The following OCA2 variants were observed in gnomAD, a reference collection of about 807,000 sequenced individuals.
OCA2 encodes the protein OCA2 melanosomal transmembrane protein, also known as P protein.
In OCA2, 77 loss-of-function variants were observed where a neutral mutation model predicts 100.2. The observed-to-expected ratio is 0.77, with a 90% CI of 0.64 to 0.93. OCA2 has a LOEUF of 0.93. OCA2 is among the 40% of genes least tolerant of loss of function. OCA2 has a pLI of 0.00. For synonymous variants in OCA2, 432 were observed against 439.2 expected, an observed-to-expected ratio of 0.98 and a Z score of 0.21; for missense variants, 1,062 against 1,089.1, an observed-to-expected ratio of 0.98 and a Z score of 0.35.
At chr15:27,892,735 T>TACTAATGAA (rs2037516757) in intron 19 of OCA2, among the ~76,000 whole-genome samples, 1 of 152,118 alleles carries the variant, frequency 6.6e-6, no homozygotes, top group Admixed American at 6.6e-5. Flanking sequence ...ATTGAGTTAA[T>TACTAATGAA]ATAGGACAAT....
intron 14 of OCA2, among the ~76,000 whole-genome samples, chr15:27,970,526 G>A (rs940039496): frequency 9.2e-5 from 14 of 151,778 alleles, no homozygotes; most frequent in Admixed American, 2.0e-4. Context: ...ACACAGCACG[G>A]TGGGAAAATG....
chr15:27,974,189 T>A (rs1281756272), intron 14 of OCA2, among the ~76,000 whole-genome samples: 1 of 152,228 alleles, frequency 6.6e-6, no homozygotes, highest in African/African-American at 2.4e-5. Flanking sequence ...CTTGTCTGAT[T>A]ACTCTGACTA....
At chr15:28,031,545 CA>C (rs1203965492) in intron 3 of OCA2, among the ~76,000 whole-genome samples, 3 of 152,202 alleles carry the variant, frequency 2.0e-5, no homozygotes, top group Non-Finnish European at 4.4e-5. Flanking sequence ...GATTTGTGCC[CA>C]AAAAGGACCT....
chr15:27,947,915 A>G (rs770902095), intron 18 of OCA2, among the ~76,000 whole-genome samples: 6 of 152,124 alleles, frequency 3.9e-5, no homozygotes, highest in Non-Finnish European at 7.4e-5. Context: ...CACACATGTG[A>G]GCCTTTGCCT....
In OCA2 at chr15:27,991,935, C is replaced by A. The variant is rs144015005; in HGVS notation, c.1045-1288G>T. Among the ~76,000 whole-genome samples the A allele has an allele frequency of 1.9e-3, 292 of 152,210 alleles. 3 individuals carry two copies. The highest frequency in any genetic ancestry group is 6.8e-3 in the African/African-American group (281 of 41,542). Reference sequence around the variant, plus strand: ...CATTTATAATGTGTAGTACTAGATTCAAAGTTCATTTTCAGGAAATGTGAT... The same window carrying A: ...CATTTATAATGTGTAGTACTAGATTAAAAGTTCATTTTCAGGAAATGTGAT... On this transcript the variant is annotated intron_variant, in intron 9 of 23. Coordinates refer to ENST00000354638, the MANE Select transcript of OCA2 (RefSeq NM_000275.3).
At chr15:28,094,332 T>C (rs933076756) in intron 1 of OCA2, among the ~76,000 whole-genome samples, 2 of 152,202 alleles carry the variant, frequency 1.3e-5, no homozygotes, top group South Asian at 4.1e-4. Context: ...GCGCTTGACT[T>C]GCCTAGGGCA....
intron 19 of OCA2, among the ~76,000 whole-genome samples, chr15:27,920,540 G>A (rs1016998486): frequency 6.6e-6 from 1 of 152,050 alleles, no homozygotes; most frequent in Non-Finnish European, 1.5e-5. Context: ...CCCTGCTCTG[G>A]GGTAAAAACT....
chr15:28,016,211 T>C (rs767260806), intron 7 of OCA2, 25 bp from the exon 8 acceptor site: 4 of 1,593,080 alleles, frequency 2.5e-6, no homozygotes, highest in East Asian at 4.5e-5. Context: ...GCATAAGTTA[T>C]GGTGAGGCTT....
intron 23 of OCA2, among the ~76,000 whole-genome samples, chr15:27,789,746 C>A (rs1335164676): frequency 2.0e-5 from 3 of 152,124 alleles, no homozygotes; most frequent in African/African-American, 4.8e-5. Flanking sequence ...AAATTATAGT[C>A]TTTTCAACAA....
chr15:28,076,496 A>G (rs1276211557), intron 2 of OCA2, among the ~76,000 whole-genome samples: 1 of 152,238 alleles, frequency 6.6e-6, no homozygotes, highest in Non-Finnish European at 1.5e-5. Flanking sequence ...AGAAAAAATT[A>G]ATTACATTTT....
intron 19 of OCA2, among the ~76,000 whole-genome samples, chr15:27,897,748 G>A (rs2037765768): frequency 6.6e-6 from 1 of 152,194 alleles, no homozygotes; most frequent in South Asian, 2.1e-4. Flanking sequence ...CCAGATCCCA[G>A]AATGGTAGAT....
chr15:27,746,642 G>A, the OCA2 span, among the ~76,000 whole-genome samples: 7 of 152,100 alleles, frequency 4.6e-5, no homozygotes, highest in African/African-American at 1.4e-4. Context: ...AAAATTCCAG[G>A]ATAACCCCCC....
intron 2 of OCA2, among the ~76,000 whole-genome samples, chr15:28,034,985 A>G (rs1031329735): frequency 2.0e-5 from 3 of 152,124 alleles, no homozygotes; most frequent in African/African-American, 7.2e-5. Flanking sequence ...AGTGCCCAGG[A>G]GAGTGGAGGC....
At chr15:27,906,273 A>G (rs1182836901) in intron 19 of OCA2, among the ~76,000 whole-genome samples, 2 of 152,218 alleles carry the variant, frequency 1.3e-5, no homozygotes, top group Non-Finnish European at 2.9e-5. Context: ...TATTGTATCA[A>G]AATATCACAT....
chr15:27,722,008 G>A, the OCA2 span, among the ~76,000 whole-genome samples: 3 of 152,150 alleles, frequency 2.0e-5, no homozygotes, highest in Non-Finnish European at 4.4e-5. Context: ...CAAGATCTGT[G>A]CTATAATAAT....
intron 19 of OCA2, among the ~76,000 whole-genome samples, chr15:27,909,104 A>G (rs1041450456): frequency 6.6e-6 from 1 of 152,242 alleles, no homozygotes; most frequent in African/African-American, 2.4e-5. Context: ...CTCTATATAC[A>G]CAAAAAAATA....
chr15:28,039,541 C>T (rs2043141139), intron 2 of OCA2, among the ~76,000 whole-genome samples: 1 of 152,208 alleles, frequency 6.6e-6, no homozygotes, highest in Non-Finnish European at 1.5e-5. Context: ...ATACTCTTAA[C>T]CAATCCATCA....
chr15:27,783,806 C>T (rs1220647784), intron 23 of OCA2, among the ~76,000 whole-genome samples: 1 of 152,220 alleles, frequency 6.6e-6, no homozygotes, highest in East Asian at 1.9e-4. Context: ...GTGGCTCAGG[C>T]CTGGCAAGGG....
chr15:27,871,761 T>C (rs1162603932), intron 20 of OCA2, 102 bp downstream of exon 20: 24 of 856,268 alleles, frequency 2.8e-5, no homozygotes, highest in Non-Finnish European at 4.7e-5. Context: ...TTTTACATAA[T>C]TAATGGGACC....
Sources: gnomAD v4.1 joint callset for allele counts (sites outside exome capture counted in the v4.1 genomes callset) on GRCh38, gnomAD v4.1.1 for gene constraint, MANE v1.5 for transcripts, NCBI Gene and HGNC (gene_info 2026-07-23, HGNC 2026-07-21) for gene names.